TBC1D22A: variants seen among roughly 807,000 people sequenced by gnomAD.
The protein encoded by TBC1D22A is putative GTPase activator.
TBC1D22A carries 38 observed loss-of-function variants against 60.2 expected under a neutral mutation model. That is an observed-to-expected ratio of 0.63 (90% CI 0.49 to 0.83). The LOEUF (loss-of-function observed/expected upper bound fraction) is 0.83. Ranked by LOEUF, TBC1D22A falls within the 40% of genes least tolerant of loss-of-function variation. The probability of loss-of-function intolerance (pLI) is 0.00; values close to 1 mark genes in which losing one functional copy is unlikely to be tolerated. For synonymous variants in TBC1D22A, 302 were observed against 281.7 expected (o/e 1.07, Z -0.72); for missense variants, 628 against 701.0 (o/e 0.90, Z 1.18).
chr22:47,172,024 TC>T (rs2068488680), intron 12 of TBC1D22A, among the ~76,000 whole-genome samples: 1 of 69,040 alleles, frequency 1.4e-5, no homozygotes, highest in African/African-American at 7.9e-5. Context: ...TACCCAGCAC[TC>T]CCAGTGAGCC....
intron 4 of TBC1D22A, among the ~76,000 whole-genome samples, chr22:46,799,087 C>T (rs985022075): frequency 1.3e-5 from 2 of 152,086 alleles, no homozygotes; most frequent in African/African-American, 4.8e-5. Flanking sequence ...CATGACACAG[C>T]ACAGCAGGGT....
chr22:46,961,669 G>T (rs1182547311), intron 8 of TBC1D22A, among the ~76,000 whole-genome samples: 2 of 152,200 alleles, frequency 1.3e-5, no homozygotes, highest in Non-Finnish European at 2.9e-5. Context: ...TTGTTTGATG[G>T]AGACCAGGAT....
chr22:47,086,628 C>T (rs569646678), intron 11 of TBC1D22A, among the ~76,000 whole-genome samples: 147 of 152,266 alleles, frequency 9.7e-4, no homozygotes, highest in Admixed American at 3.1e-3. Context: ...AGTGTATACG[C>T]GATAGTATTT....
intron 4 of TBC1D22A, among the ~76,000 whole-genome samples, chr22:46,813,623 C>T (rs562803129): frequency 7.2e-5 from 11 of 152,284 alleles, no homozygotes; most frequent in Non-Finnish European, 1.5e-4. Context: ...AGAGATCTGC[C>T]GCAGATAATA....
chr22:47,152,666 A>G (rs1236817166), intron 12 of TBC1D22A, among the ~76,000 whole-genome samples: 1 of 152,120 alleles, frequency 6.6e-6, no homozygotes, highest in Non-Finnish European at 1.5e-5. Context: ...GTATTTACTG[A>G]GTGTGCTTGG....
chr22:46,882,736 A>G (rs2067915072), intron 5 of TBC1D22A, among the ~76,000 whole-genome samples: 1 of 152,234 alleles, frequency 6.6e-6, no homozygotes, highest in South Asian at 2.1e-4. Flanking sequence ...TACGCCCAGA[A>G]TTGAGAATTT....
Position 47,009,013 on chromosome 22 carries a change from T to G in TBC1D22A, c.1201+11304T>G, listed in dbSNP as rs1373155839. Among the ~76,000 whole-genome samples, 2 of 152,204 alleles carry G rather than the reference T, an allele frequency of 1.3e-5. No homozygotes were observed. The highest frequency in any genetic ancestry group is 4.8e-5 in the African/African-American group (2 of 41,464). ...ATAATTCTCGAACATTTCTGGCTTA[T>G]TCTAATCTACTCTTCAGCTCTGTGG... On this transcript the variant is annotated intron_variant, in intron 10 of 12. Transcript: ENST00000337137. The surrounding 1 kb of genome is among the most constrained non-coding windows in gnomAD (Gnocchi z 5.8).
intron 10 of TBC1D22A, among the ~76,000 whole-genome samples, chr22:47,007,687 TG>T (rs2061634832): frequency 1.8e-5 from 2 of 109,990 alleles, no homozygotes; most frequent in Non-Finnish European, 3.6e-5. Context: ...TGGGTGCCTG[TG>T]GGGGTAGCGG....
At chr22:47,051,726 C>T (rs1603180588) in intron 11 of TBC1D22A, among the ~76,000 whole-genome samples, 1 of 152,346 alleles carries the variant, frequency 6.6e-6, no homozygotes, top group East Asian at 1.9e-4. Context: ...CCCTGCAGCC[C>T]CAGGACTGCT....
At chr22:47,095,889 C>T (rs570044565) in intron 11 of TBC1D22A, among the ~76,000 whole-genome samples, 3 of 152,232 alleles carry the variant, frequency 2.0e-5, no homozygotes, top group Non-Finnish European at 4.4e-5. Flanking sequence ...AACCCTTTCC[C>T]AGGGCTGGGC....
At chr22:47,175,696 C>T (rs921642573), downstream of TBC1D22A, 3 of 152,312 alleles carry the variant, frequency 2.0e-5, no homozygotes, top group African/African-American at 7.2e-5. Context: ...GTGACAAAGC[C>T]GCGGCCTTGG....
chr22:47,097,574 G>T (rs538791830), intron 11 of TBC1D22A, among the ~76,000 whole-genome samples: 75 of 151,996 alleles, frequency 4.9e-4, no homozygotes, highest in Non-Finnish European at 8.1e-4. Context: ...TTGCACCACT[G>T]CACTCCAGCC....
At chr22:46,823,947 C>G (rs1256283863) in intron 4 of TBC1D22A, among the ~76,000 whole-genome samples, 1 of 152,208 alleles carries the variant, frequency 6.6e-6, no homozygotes, top group Non-Finnish European at 1.5e-5. Flanking sequence ...TCTGGGGCAG[C>G]ACCACCCAGG....
chr22:47,122,913 A>G (rs2066321156), intron 12 of TBC1D22A, among the ~76,000 whole-genome samples: 2 of 152,310 alleles, frequency 1.3e-5, no homozygotes, highest in Non-Finnish European at 2.9e-5. Flanking sequence ...GCCTTGGCCT[A>G]TTTGGACTTT....
intron 12 of TBC1D22A, among the ~76,000 whole-genome samples, chr22:47,127,394 A>AT (rs11387235): frequency 0.8 from 98,472 of 122,484 alleles, 40,543 homozygotes; most frequent in East Asian, 0.97. Flanking sequence ...CGCCCAGCTG[A>AT]TTTTTTTTTT....
chr22:46,791,695 G>A (rs1167494411), intron 1 of TBC1D22A, among the ~76,000 whole-genome samples: 1 of 152,110 alleles, frequency 6.6e-6, no homozygotes, highest in Non-Finnish European at 1.5e-5. Flanking sequence ...TGCCACGTGG[G>A]GTATTTCATT....
At position 46,963,851 on chromosome 22, in the gene TBC1D22A, C is replaced by T. The variant is rs560701632; in HGVS notation, c.1016-10439C>T. Among the ~76,000 whole-genome samples the T allele has an allele frequency of 2.4e-4, 37 of 152,330 alleles. No individual in the cohort carries two copies. The South Asian group carries it at 4.6e-3, about 19-fold the overall frequency. Reference sequence around the variant, plus strand: ...TTTGCCTCAGCAGTGGGGAGGCAGGCGCAGGAGCAGGGCATGGGCCCACAG... The same window carrying T: ...TTTGCCTCAGCAGTGGGGAGGCAGGTGCAGGAGCAGGGCATGGGCCCACAG... On this transcript the variant is annotated intron_variant, in intron 8 of 12. Coordinates refer to ENST00000337137, the MANE Select transcript of TBC1D22A (RefSeq NM_014346.5).
rs577599005 is a variant in TBC1D22A at position 46,902,154 on chromosome 22, T to A, written c.900+7308T>A. Among the ~76,000 whole-genome samples, 289 of 152,052 alleles carry A rather than the reference T, an allele frequency of 1.9e-3. 3 individuals carry two copies. The highest frequency in any genetic ancestry group is 0.01 in the Middle Eastern group (3 of 292). On this transcript the variant is annotated intron_variant, in intron 7 of 12. Transcript: ENST00000337137. ...CTCCTGGGAGCCTTCTGTGGGAGAG[T>A]GCTGTTGAGGTTTTTAGGAAGAACC...
At chr22:47,011,718 T>A (rs1466504517) in intron 10 of TBC1D22A, among the ~76,000 whole-genome samples, 1 of 152,202 alleles carries the variant, frequency 6.6e-6, no homozygotes, top group Non-Finnish European at 1.5e-5. Flanking sequence ...TGTCTCCAGA[T>A]GTTTATGATT....
Sources: allele counts gnomAD v4.1 joint callset (sites outside exome capture counted in the v4.1 genomes callset), GRCh38; gene constraint gnomAD v4.1.1; non-coding constraint Gnocchi (gnomAD v3.1); transcripts MANE v1.5; gene names NCBI Gene and HGNC (gene_info 2026-07-23, HGNC 2026-07-21).